BTN3A3: variants seen among roughly 807,000 people sequenced by gnomAD.
The protein encoded by BTN3A3 is butyrophilin 3.
BTN3A3 carries 39 observed loss-of-function variants against 43.2 expected under a neutral mutation model. The ratio of observed to expected loss-of-function variants is 0.90; its 90% CI spans 0.70 to 1.18. BTN3A3 has a LOEUF of 1.18. BTN3A3 is among the 50% of genes most tolerant of loss of function. The pLI is 0.00. For synonymous variants in BTN3A3, 255 were observed against 272.7 expected (o/e 0.93, Z 0.64); for missense variants, 631 against 722.8 (o/e 0.87, Z 1.46).
In BTN3A3 at chr6:26,443,937, C is replaced by A. The variant is rs1762707338; in HGVS notation, c.86-20C>A. 6 of 1,613,906 alleles carry A rather than the reference C, an allele frequency of 3.7e-6. No homozygotes were observed. Among genetic ancestry groups the A allele is most frequent in the Non-Finnish European group, 5.1e-6 (6 of 1,179,830 alleles). ...CCAACTCCAAAACCCTCTGATGGAG[C>A]TTCCCCCTTGTGCTGACAGCTCAGT... is the stretch of plus-strand genomic sequence containing the variant. On this transcript the variant is annotated intron_variant, in intron 3 of 10. Coordinates refer to ENST00000244519, the MANE Select transcript of BTN3A3 (RefSeq NM_006994.5).
rs1762941333 is a variant in BTN3A3, at chr6:26,451,893, A to G, written c.1237A>G (p.Ser413Gly). 6.2e-7 allele frequency: 1 copy of G among 1,614,132 alleles called. No individual in the cohort carries two copies. The highest frequency in any genetic ancestry group is 8.5e-7 in the Non-Finnish European group (1 of 1,180,026). ...DRKEWHIGVC[S>G]KNVERKKGWV... ...AAAAGAGTGGCATATTGGGGTATGT[A>G]GTAAGAACGTGGAGAGGAAAAAAGG... is the stretch of plus-strand genomic sequence containing the variant. Residue 413 changes from serine to glycine, a missense_variant, in exon 11 of 11, where the codon AGT becomes GGT. Transcript: ENST00000244519.
Position 26,449,698 on chromosome 6 carries a change from C to T in BTN3A3, c.991+10C>T. The T allele has an allele frequency of 2.5e-6, 4 of 1,614,094 alleles. No homozygotes were observed. Among genetic ancestry groups the T allele is most frequent in the Non-Finnish European group, 3.4e-6 (4 of 1,179,934 alleles). On this transcript the variant is annotated intron_variant, in intron 9 of 10. Coordinates refer to ENST00000244519, the MANE Select transcript of BTN3A3 (RefSeq NM_006994.5). ...TCTTTGGCCTATCATGGTGAGTGAG[C>T]CTGATGCTCTCTGGGTTTGCTGGGT...
intron 3 of BTN3A3, 124 bp from the exon 4 acceptor site, chr6:26,443,833 T>C (rs1762703427): frequency 1.3e-6 from 2 of 1,482,304 alleles, no homozygotes; most frequent in African/African-American, 2.8e-5. Context: ...CAAATGGTCC[T>C]TCTGTTAGGA....
At chr6:26,446,484 A>G (rs1762782023) in intron 5 of BTN3A3, among the ~76,000 whole-genome samples, 1 of 152,186 alleles carries the variant, frequency 6.6e-6, no homozygotes. Flanking sequence ...TTCACTTATG[A>G]TATTAGCAAA....
intron 10 of BTN3A3, chr6:26,450,340 T>G: frequency 8.5e-6 from 5 of 588,302 alleles, no homozygotes; most frequent in Non-Finnish European, 1.5e-5. Context: ...AATTGCTCTC[T>G]TGGGCTTCCT....
At position 26,453,314 on chromosome 6, in the gene BTN3A3, G is replaced by A. The variant is rs995686302; in HGVS notation, c.*903G>A. The A allele has an allele frequency of 6.6e-6, 1 of 152,056 alleles. No individual in the cohort carries two copies. Among genetic ancestry groups the A allele is most frequent in the African/African-American group, 2.4e-5 (1 of 41,328 alleles). The allele number at this position is 152,056 out of a possible 1,614,324, so 9.4% of individuals were successfully genotyped here. A position where few individuals can be genotyped will look rare whatever the true frequency, so the allele number is the denominator to read the frequency against. On this transcript the variant is annotated 3_prime_UTR_variant, in exon 11 of 11. Transcript: ENST00000244519. ...CAACTGCTGCCTGCTAGGGAAAACT[G>A]CTCCTCATTATCATCACTATTATTG...
rs1762970227 is a variant in BTN3A3 at position 26,453,142 on chromosome 6, C to G, written c.*731C>G. On this transcript the variant is annotated 3_prime_UTR_variant, in exon 11 of 11. Coordinates refer to ENST00000244519, the MANE Select transcript of BTN3A3 (RefSeq NM_006994.5). ...CAAGGTTTCCAGGCAGAGCAAATAC[C>G]CTAGAGATTCTCTGTGATATAGGAA... 1 of 152,114 alleles carries G rather than the reference C, an allele frequency of 6.6e-6. No homozygotes were observed. The highest frequency in any genetic ancestry group is 1.5e-5 in the Non-Finnish European group (1 of 68,042). 9.4% of individuals were successfully genotyped at this position (152,114 alleles called of 1,614,324 possible).
At chr6:26,449,004 T>G (rs1454891419) in intron 8 of BTN3A3, among the ~76,000 whole-genome samples, 1 of 152,004 alleles carries the variant, frequency 6.6e-6, no homozygotes, top group Non-Finnish European at 1.5e-5. Flanking sequence ...GCCACAGACC[T>G]TTATGCCCTA....
Position 26,452,577 on chromosome 6 carries a change from A to G in BTN3A3, c.*166A>G, listed in dbSNP as rs1762960518. ...GATCTAAACAGCAATAACTAACATT[A>G]ACAGAGAATTTAAAATGTTCTTAGT... On this transcript the variant is annotated 3_prime_UTR_variant, in exon 11 of 11. Transcript: ENST00000244519. 2 of 630,756 alleles carry G rather than the reference A, an allele frequency of 3.2e-6. No homozygotes were observed. The highest frequency in any genetic ancestry group is 6.3e-5 in the Admixed American group (2 of 31,634). The allele number at this position is 630,756 out of a possible 1,614,324, so 39.1% of individuals were successfully genotyped here.
chr6:26,452,810 G>A lies in BTN3A3; in HGVS notation c.*399G>A, dbSNP rs1209793236. The A allele has an allele frequency of 1.6e-5, 3 of 186,780 alleles. No individual in the cohort carries two copies. The highest frequency in any genetic ancestry group is 3.4e-5 in the Non-Finnish European group (3 of 88,604). 11.6% of individuals were successfully genotyped at this position (186,780 alleles called of 1,614,324 possible). A position where few individuals can be genotyped will look rare whatever the true frequency, so the allele number is the denominator to read the frequency against. Reference sequence around the variant, plus strand: ...TCCAGCCTGATTTTTTTTCCCACAGGAAGAGCCCACATGTAGCCCTGAGGT... The same window carrying A: ...TCCAGCCTGATTTTTTTTCCCACAGAAAGAGCCCACATGTAGCCCTGAGGT... On this transcript the variant is annotated 3_prime_UTR_variant, in exon 11 of 11. Transcript: ENST00000244519.
At chr6:26,445,069 T>G (rs1762739646) in intron 4 of BTN3A3, 1 of 160,002 alleles carries the variant, frequency 6.2e-6, no homozygotes, top group Non-Finnish European at 1.4e-5. Flanking sequence ...TTGTTGTGGT[T>G]TGTACAATGT....
Position 26,444,233 on chromosome 6 carries a change from G to T in BTN3A3, c.362G>T (p.Ser121Ile), listed in dbSNP as rs1263494764. Reference sequence around the variant, plus strand: ...ATACACAACGTCACAGCCTCTGACAGTGGAAAGTACTTGTGTTATTTCCAA... The same window carrying T: ...ATACACAACGTCACAGCCTCTGACATTGGAAAGTACTTGTGTTATTTCCAA... ...LRIHNVTASD[S>I]GKYLCYFQDG... The change falls in exon 4 of 11, where the codon AGT (serine) becomes ATT (isoleucine). Residue 121 changes from serine (S) to isoleucine (I), a missense_variant. This residue lies in a region of BTN3A3 where 551 missense variants were observed against 584.0 expected (regional missense o/e 0.94). Transcript: ENST00000244519. 6.2e-7 allele frequency: 1 copy of T among 1,611,964 alleles called. No individual in the cohort carries two copies. The highest frequency in any genetic ancestry group is 1.3e-5 in the African/African-American group (1 of 74,868).
intron 8 of BTN3A3, chr6:26,449,355 C>T: frequency 2.7e-6 from 1 of 364,872 alleles, no homozygotes; most frequent in Non-Finnish European, 5.0e-6. Context: ...TACTCCTAGA[C>T]ATACACATAT....
chr6:26,448,218 T>G (rs1224983302), intron 5 of BTN3A3, 30 bp from the exon 6 acceptor site: 2 of 1,608,532 alleles, frequency 1.2e-6, no homozygotes, highest in South Asian at 1.1e-5. Context: ...GTGCACTAGC[T>G]CCCATGACCC....
Position 26,451,989 on chromosome 6 carries a change from C to G in BTN3A3, c.1333C>G (p.Leu445Val), listed in dbSNP as rs771075167. 1 of 1,614,128 alleles carries G rather than the reference C, an allele frequency of 6.2e-7. No individual in the cohort carries two copies. Among genetic ancestry groups the G allele is most frequent in the Non-Finnish European group, 8.5e-7 (1 of 1,180,014 alleles). The change falls in exon 11 of 11, where the codon CTC becomes GTC. Residue 445 changes from leucine to valine, a missense_variant. Leu to Val is a conservative substitution (Grantham distance 32). Around this residue, in one of 2 missense-constraint regions of BTN3A3, gnomAD observed 551 missense variants for 584.0 expected, o/e 0.94. Coordinates refer to ENST00000244519, the MANE Select transcript of BTN3A3 (RefSeq NM_006994.5). ...GACTGATGGGAATAAGTATCGGGCTCTCACTGAGCCCAGAACCAACCTGAA... is the reference window on the plus strand; with the variant it reads ...GACTGATGGGAATAAGTATCGGGCTGTCACTGAGCCCAGAACCAACCTGAA... ...GLTDGNKYRA[L>V]TEPRTNLKLP...
intron 10 of BTN3A3, among the ~76,000 whole-genome samples, chr6:26,451,335 G>A (rs74647629): frequency 1.3e-5 from 2 of 152,226 alleles, no homozygotes; most frequent in Non-Finnish European, 2.9e-5. Flanking sequence ...AAGCGGTCGA[G>A]TGAAGATTGA....
chr6:26,451,741 T>C lies in BTN3A3; in HGVS notation c.1085T>C (p.Val362Ala), dbSNP rs114347679. The C allele has an allele frequency of 1.8e-3, 2,961 of 1,614,172 alleles. 8 individuals carry two copies. Among genetic ancestry groups the C allele is most frequent in the Non-Finnish European group, 1.8e-3 (2,163 of 1,180,030 alleles). Residue 362 changes from valine (V) to alanine (A), a missense_variant, in exon 11 of 11, where the codon GTG becomes GCG. Physicochemically the swap from Val to Ala is moderately conservative, Grantham distance 64. Around this residue, in one of 2 missense-constraint regions of BTN3A3, gnomAD observed 551 missense variants for 584.0 expected, o/e 0.94. Transcript: ENST00000244519. ...CTTGTTTCTGAGGACCAGAGGAGTG[T>C]GCAGCGTGCTGAAGAGCCGCGGGAT... ...ILLVSEDQRS[V>A]QRAEEPRDLP...
At chr6:26,446,535 G>A (rs1270785887) in intron 5 of BTN3A3, among the ~76,000 whole-genome samples, 1 of 152,198 alleles carries the variant, frequency 6.6e-6, no homozygotes, top group Non-Finnish European at 1.5e-5. Context: ...ACATGGCTAT[G>A]GCAGGAGTGT....
intron 8 of BTN3A3, among the ~76,000 whole-genome samples, chr6:26,448,998 C>T (rs191561009): frequency 6.6e-6 from 1 of 152,146 alleles, no homozygotes; most frequent in African/African-American, 2.4e-5. Context: ...CTAGGGGCCA[C>T]AGACCTTTAT....
Sources: allele counts gnomAD v4.1 joint callset (sites outside exome capture counted in the v4.1 genomes callset), GRCh38; gene constraint gnomAD v4.1.1; regional missense constraint gnomAD v4.1.1; transcripts MANE v1.5; gene names NCBI Gene and HGNC (gene_info 2026-07-23, HGNC 2026-07-21).